The following DBN1 variants were observed in gnomAD, a reference collection of about 807,000 sequenced individuals.
The protein encoded by DBN1 is drebrin.
A neutral mutation model predicts 83.5 loss-of-function variants in DBN1; 21 were observed. The ratio of observed to expected loss-of-function variants is 0.25; its 90% CI spans 0.18 to 0.36. The LOEUF (loss-of-function observed/expected upper bound fraction) is 0.36. Ranked by LOEUF, DBN1 falls within the 10% of genes least tolerant of loss-of-function variation. The pLI, the probability that DBN1 is intolerant of heterozygous loss-of-function variation, is 1.00. For missense variants in DBN1, 874 were observed against 935.7 expected (o/e 0.93, Z 0.86); for synonymous variants, 381 against 384.9 (o/e 0.99, Z 0.12).
intron 2 of DBN1, 24 bp downstream of exon 2, chr5:177,468,820 C>A (rs371658273): frequency 2.3e-6 from 3 of 1,318,658 alleles, no homozygotes; most frequent in East Asian, 2.8e-5. Context: ...GAGAAGGCGG[C>A]GAGGGAATGG....
Position 177,466,860 on chromosome 5 carries a change from C to T in DBN1, c.708-25G>A, listed in dbSNP as rs769254057. On this transcript the variant is annotated intron_variant, in intron 7 of 14. Transcript: ENST00000393565. The surrounding 1 kb of genome is among the most constrained non-coding windows in gnomAD (Gnocchi z 4.8). ...CCTGGAACGATAAGCAGCCAGCACC[C>T]GTCAGGGTGCGCCCGGGGGCCCCTG... 3.1e-6 allele frequency: 5 copies of T among 1,613,952 alleles called. No homozygotes were observed. Among genetic ancestry groups the T allele is most frequent in the Middle Eastern group, 3.3e-4 (2 of 6,044 alleles).
In DBN1 at chr5:177,467,658, G is replaced by A. The variant is rs1452611849; in HGVS notation, c.331-31C>T. ...GCAAGAAGACGGCAGTGCTCAGGCG[G>A]CACCATCCTCCCGCCATCCCCACCC... On this transcript the variant is annotated intron_variant, in intron 4 of 14. Coordinates refer to ENST00000393565, the MANE Select transcript of DBN1 (RefSeq NM_001363541.2). The surrounding 1 kb of genome is among the most constrained non-coding windows in gnomAD (Gnocchi z 9.1). 1.7e-5 allele frequency: 27 copies of A among 1,563,962 alleles called. No homozygotes were observed. The highest frequency in any genetic ancestry group is 1.5e-4 in the Admixed American group (8 of 52,638).
chr5:177,457,152 T>A lies in DBN1; in HGVS notation c.*281A>T, dbSNP rs1180335649. The A allele has an allele frequency of 4.0e-6, 2 of 496,162 alleles. No individual in the cohort carries two copies. The highest frequency in any genetic ancestry group is 7.3e-6 in the Non-Finnish European group (2 of 275,590). 30.7% of individuals were successfully genotyped at this position (496,162 alleles called of 1,614,324 possible). A position where few individuals can be genotyped will look rare whatever the true frequency, so the allele number is the denominator to read the frequency against. On this transcript the variant is annotated 3_prime_UTR_variant, in exon 15 of 15. Coordinates refer to ENST00000393565, the MANE Select transcript of DBN1 (RefSeq NM_001363541.2). ...GCAGGGAGGACTAAGAGCTACAATC[T>A]GGACCAGGGAAGGAGGGGTGGAATT...
In DBN1 at chr5:177,457,369, G is replaced by T; in HGVS notation, c.*64C>A. ...GCTGCGAATGCAGGCACGGCGGGCC[G>T]TCTGGCCAGAGGCTGATGCAGGTGG... On this transcript the variant is annotated 3_prime_UTR_variant, in exon 15 of 15. Coordinates refer to ENST00000393565, the MANE Select transcript of DBN1 (RefSeq NM_001363541.2). The T allele has an allele frequency of 1.4e-6, 2 of 1,426,654 alleles. No homozygotes were observed. The highest frequency in any genetic ancestry group is 1.1e-5 in the South Asian group (1 of 87,276). The allele number at this position is 1,426,654 out of a possible 1,614,324, so 88.4% of individuals were successfully genotyped here.
intron 8 of DBN1, among the ~76,000 whole-genome samples, chr5:177,464,490 T>C (rs1757270547): frequency 6.6e-6 from 1 of 151,778 alleles, no homozygotes; most frequent in South Asian, 2.1e-4. Flanking sequence ...CTGGGTGAGG[T>C]GGCTCACACC....
chr5:177,468,325 C>T (rs1418965304), intron 2 of DBN1, 105 bp from the exon 3 acceptor site: 3 of 973,506 alleles, frequency 3.1e-6, no homozygotes, highest in Admixed American at 3.9e-5. Flanking sequence ...CAGGCACCCC[C>T]AGGGGTCTTC....
intron 2 of DBN1, 44 bp downstream of exon 2, chr5:177,468,800 G>A (rs752247425): frequency 1.4e-5 from 18 of 1,283,560 alleles, no homozygotes; most frequent in Non-Finnish European, 1.3e-5. Flanking sequence ...ACAACCAGGA[G>A]GAGGGGGTGG....
chr5:177,470,843 A>G (rs1757795227), intron 1 of DBN1, among the ~76,000 whole-genome samples: 1 of 152,166 alleles, frequency 6.6e-6, no homozygotes, highest in East Asian at 1.9e-4. Context: ...CTGGTGGTGC[A>G]CCAGGTGGAA....
At chr5:177,462,595 G>T (rs1304415576) in intron 8 of DBN1, among the ~76,000 whole-genome samples, 2 of 152,236 alleles carry the variant, frequency 1.3e-5, no homozygotes, top group Non-Finnish European at 2.9e-5. Context: ...CAAGGCGGGC[G>T]CATGTTTGCT....
In DBN1 at chr5:177,458,146, G is replaced by A. The variant is rs1402829399; in HGVS notation, c.1826C>T (p.Pro609Leu). Residue 609 changes from proline to leucine, a missense_variant, in exon 13 of 15, where the codon CCC (proline) becomes CTC (leucine). Pro to Leu is a moderately conservative substitution (Grantham distance 98). Transcript: ENST00000393565. ...TTGCTCCAGCTCCTCAAGGGCTGAGGGCAGAGTTGGGGTCTGGGGGGCAGC... is the reference window on the plus strand; with the variant it reads ...TTGCTCCAGCTCCTCAAGGGCTGAGAGCAGAGTTGGGGTCTGGGGGGCAGC... The part of the protein sequence containing the change: ...SLAAPQTPTL[P>L]SALEELEQEQ... 1.2e-6 allele frequency: 2 copies of A among 1,613,176 alleles called. No individual in the cohort carries two copies. Among genetic ancestry groups the A allele is most frequent in the African/African-American group, 2.7e-5 (2 of 75,044 alleles).
chr5:177,465,581 C>T (rs183505763), intron 8 of DBN1, among the ~76,000 whole-genome samples: 1 of 152,054 alleles, frequency 6.6e-6, no homozygotes, highest in Non-Finnish European at 1.5e-5. Context: ...TGTGGCCAGG[C>T]GCGGTGGCTC....
Position 177,467,376 on chromosome 5 carries a change from G to A in DBN1, c.478-44C>T. The A allele has an allele frequency of 6.2e-7, 1 of 1,613,816 alleles. No homozygotes were observed. The highest frequency in any genetic ancestry group is 8.5e-7 in the Non-Finnish European group (1 of 1,179,738). Reference sequence around the variant, plus strand: ...CAGCATAAGCAGGCTGAATGCCCCAGGAACCCCCGACACCTAAAGGGTGAG... The same window carrying A: ...CAGCATAAGCAGGCTGAATGCCCCAAGAACCCCCGACACCTAAAGGGTGAG... On this transcript the variant is annotated intron_variant, in intron 5 of 14. Coordinates refer to ENST00000393565, the MANE Select transcript of DBN1 (RefSeq NM_001363541.2). The surrounding 1 kb of genome is among the most constrained non-coding windows in gnomAD (Gnocchi z 9.1).
chr5:177,472,346 T>C, intron 1 of DBN1: 1 of 1,495,264 alleles, frequency 6.7e-7, no homozygotes, highest in Non-Finnish European at 8.9e-7. Flanking sequence ...GAAGAACCTG[T>C]TCCCATCTGC....
Position 177,457,701 on chromosome 5 carries a change from C to G in DBN1, c.1971G>C (p.Glu657Asp), listed in dbSNP as rs779197231. ...SQEEEFAQSEELCAKAPPPVF... is the reference protein window; with the variant it reads ...SQEEEFAQSEDLCAKAPPPVF... ...CAGGAGGCGGAGCCTTGGCACAGAG[C>G]TCTTCCGATTGGGCAAACTCCTCCT... Residue 657 changes from glutamate to aspartate, a missense_variant, in exon 14 of 15, where the codon GAG becomes GAC. By Grantham distance (45) the Glu-to-Asp change is conservative. Around this residue, in one of 4 missense-constraint regions of DBN1, gnomAD observed 725 missense variants for 719.7 expected, o/e 1.01. Transcript: ENST00000393565. 9 of 1,612,732 alleles carry G rather than the reference C, an allele frequency of 5.6e-6. No individual in the cohort carries two copies. The South Asian group carries it at 7.7e-5, about 14-fold the overall frequency.
intron 14 of DBN1, 56 bp downstream of exon 14, chr5:177,457,599 C>A: frequency 6.6e-7 from 1 of 1,525,420 alleles, no homozygotes; most frequent in Non-Finnish European, 9.1e-7. Context: ...TGGCTACCCA[C>A]ACTCAAATCC....
At chr5:177,463,239 A>C (rs568025176) in intron 8 of DBN1, among the ~76,000 whole-genome samples, 2 of 152,042 alleles carry the variant, frequency 1.3e-5, no homozygotes, top group African/African-American at 2.4e-5. Context: ...GGGTTTCACC[A>C]TGTTAGCCAG....
intron 13 of DBN1, 150 bp from the exon 14 acceptor site, chr5:177,457,907 G>A (rs780608386): frequency 1.3e-4 from 156 of 1,173,474 alleles, no homozygotes; most frequent in Non-Finnish European, 1.6e-5. Flanking sequence ...AAGCAGAGCC[G>A]GCCCAGGGAG....
chr5:177,459,053 G>A (rs780533135), intron 12 of DBN1, 45 bp downstream of exon 12: 1 of 1,556,942 alleles, frequency 6.4e-7, no homozygotes, highest in Non-Finnish European at 8.7e-7. Flanking sequence ...TCCCAGCCAG[G>A]GACTGATGAT....
chr5:177,468,850 A>T lies in DBN1; in HGVS notation c.136T>A (p.Ser46Thr). 1.5e-6 allele frequency: 2 copies of T among 1,322,694 alleles called. No individual in the cohort carries two copies. Among genetic ancestry groups the T allele is most frequent in the Middle Eastern group, 4.1e-4 (2 of 4,936 alleles). The allele number at this position is 1,322,694 out of a possible 1,614,324, so 81.9% of individuals were successfully genotyped here. A position where few individuals can be genotyped will look rare whatever the true frequency, so the allele number is the denominator to read the frequency against. Residue 46 changes from serine (S) to threonine (T), a missense_variant, in exon 2 of 15, where the codon TCA (serine) becomes ACA (threonine). Ser to Thr is a moderately conservative substitution (Grantham distance 58). Transcript: ENST00000393565. ...GAATGGCTGGAATTCCTACCTCCTG[A>T]TGCTGCAAGCTTGAGGTCATCGGAG... ...DGSDDLKLAA[S>T]GEGGLQELSG... is the part of the protein sequence containing the mutation.
Sources: gnomAD v4.1 joint callset for allele counts (sites outside exome capture counted in the v4.1 genomes callset) on GRCh38, gnomAD v4.1.1 for gene constraint, gnomAD v4.1.1 regional missense constraint, Gnocchi (gnomAD v3.1) non-coding constraint, MANE v1.5 for transcripts, NCBI Gene and HGNC (gene_info 2026-07-23, HGNC 2026-07-21) for gene names.